The following TMEM74 variants were observed in gnomAD, a reference collection of about 807,000 sequenced individuals.
The protein encoded by TMEM74 is transmembrane protein 74.
In TMEM74, 13 loss-of-function variants were observed where a neutral mutation model predicts 18.1. The observed-to-expected ratio is 0.72, with a 90% CI of 0.47 to 1.14. TMEM74 has a LOEUF of 1.14. Ranked by LOEUF, TMEM74 falls within the 50% of genes most tolerant of loss-of-function variation. The pLI, the probability that TMEM74 is intolerant of heterozygous loss-of-function variation, is 0.00. For missense variants in TMEM74, 372 were observed against 375.9 expected (o/e 0.99, Z 0.09); for synonymous variants, 159 against 146.6 (o/e 1.08, Z -0.61).
chr8:108,608,298 CAAAA>C (rs374774953), intron 3 of TMEM74, among the ~76,000 whole-genome samples: 1 of 72,592 alleles, frequency 1.4e-5, no homozygotes. Context: ...AAGACTCTGT[CAAAA>C]AAAAAAAAAA....
rs1405607772 is a variant in TMEM74, at chr8:108,749,683, T to C, written n.119+37793A>G. On this transcript the variant is annotated intron_variant and non_coding_transcript_variant, in intron 1 of 3. Coordinates refer to the TMEM74 transcript ENST00000518838. The stretch of plus-strand genomic sequence containing the variant: ...ATTCCCTGGCCAGAACTTCCAATAC[T>C]GTGTTGAATAGGAGTGGTGAGAGAG... 2.0e-5 allele frequency among the ~76,000 whole-genome samples: 3 copies of C among 152,188 alleles called. No individual in the cohort carries two copies. The East Asian group carries it at 5.8e-4, about 30-fold the overall frequency.
chr8:108,678,992 G>A (rs1226059493), intron 1 of TMEM74, among the ~76,000 whole-genome samples: 10 of 146,966 alleles, frequency 6.8e-5, no homozygotes, highest in Non-Finnish European at 1.5e-4. Flanking sequence ...GTGAGAACAT[G>A]TGGTGTTTGG....
At chr8:108,614,035 GT>G (rs11393201) in intron 2 of TMEM74, among the ~76,000 whole-genome samples, 9,319 of 137,020 alleles carry the variant, frequency 0.068, 361 homozygotes, top group African/African-American at 0.12. Context: ...TTTTCATAAG[GT>G]TTTTTTTTTT....
chr8:108,783,552 T>G lies in TMEM74; in HGVS notation c.*629A>C, dbSNP rs1814335014. On this transcript the variant is annotated 3_prime_UTR_variant, in exon 2 of 2. Transcript: ENST00000297459. ...CTTACAATGATTTACATAATTTTTTTTTATTAGAAAGTTTATCCTAATGAC... is the reference window on the plus strand; with the variant it reads ...CTTACAATGATTTACATAATTTTTTGTTATTAGAAAGTTTATCCTAATGAC... The G allele has an allele frequency of 6.6e-6, 1 of 152,230 alleles. No homozygotes were observed. The highest frequency in any genetic ancestry group is 6.5e-5 in the Admixed American group (1 of 15,280). 9.4% of individuals were successfully genotyped at this position (152,230 alleles called of 1,614,324 possible).
chr8:108,680,663 C>T (rs572067799), intron 1 of TMEM74, among the ~76,000 whole-genome samples: 1 of 152,242 alleles, frequency 6.6e-6, no homozygotes, highest in South Asian at 2.1e-4. Context: ...AAGTTCTGGC[C>T]AGGGCAATTA....
chr8:108,775,765 A>C (rs373742392), downstream of TMEM74, among the ~76,000 whole-genome samples: 42 of 152,282 alleles, frequency 2.8e-4, 1 homozygote, highest in South Asian at 8.7e-3. Context: ...TTCTGTTCGC[A>C]ATCAAGAAAT....
At position 108,784,982 on chromosome 8, in the gene TMEM74, A is replaced by C. The variant is rs771597681; in HGVS notation, c.117T>G (p.Ala39=). The C allele has an allele frequency of 6.2e-7, 1 of 1,614,066 alleles. No individual in the cohort carries two copies. The highest frequency in any genetic ancestry group is 8.5e-7 in the Non-Finnish European group (1 of 1,180,022). ...ATGCACACTGTTTCTGACAGCAGAG[A>C]GCAGCTCTTGTGGCTGCTGTATCTG... ...DQADTAATRA[A]LCCQKQCAST... The change falls in exon 2 of 2, where the codon GCT becomes GCG. Residue 39 remains alanine (A), a synonymous_variant. Transcript: ENST00000297459.
At chr8:108,742,928 T>C (rs538950705) in intron 1 of TMEM74, among the ~76,000 whole-genome samples, 1 of 152,184 alleles carries the variant, frequency 6.6e-6, no homozygotes, top group African/African-American at 2.4e-5. Context: ...AACATTTCAA[T>C]CAGGAAAGCC....
chr8:108,669,951 T>A (rs1348556667), intron 1 of TMEM74, among the ~76,000 whole-genome samples: 1 of 142,716 alleles, frequency 7.0e-6, no homozygotes, highest in Non-Finnish European at 1.5e-5. Flanking sequence ...GGCAAGAGAA[T>A]CACTTGAACT....
At chr8:108,718,565 T>C (rs1813552457) in intron 1 of TMEM74, among the ~76,000 whole-genome samples, 3 of 152,096 alleles carry the variant, frequency 2.0e-5, no homozygotes, top group African/African-American at 7.2e-5. Flanking sequence ...TAACACCTGC[T>C]AGAAACAGAA....
At chr8:108,680,057 A>G (rs1371189782) in intron 1 of TMEM74, among the ~76,000 whole-genome samples, 1 of 151,818 alleles carries the variant, frequency 6.6e-6, no homozygotes, top group Non-Finnish European at 1.5e-5. Context: ...TAGCTTACTA[A>G]CCAAAAAAAG....
intron 2 of TMEM74, among the ~76,000 whole-genome samples, chr8:108,620,938 A>C (rs1812433374): frequency 6.6e-6 from 1 of 152,146 alleles, no homozygotes; most frequent in African/African-American, 2.4e-5. Flanking sequence ...AATCCAGAGG[A>C]TCTAAAGTCT....
chr8:108,785,194 A>G, intron 1 of TMEM74, 57 bp from the exon 2 acceptor site: 1 of 1,360,512 alleles, frequency 7.4e-7, no homozygotes, highest in Non-Finnish European at 9.8e-7. Context: ...TTGTACTTCC[A>G]GGAGTGTTGC....
chr8:108,643,137 G>A (rs1431987524), intron 2 of TMEM74, among the ~76,000 whole-genome samples: 5 of 152,142 alleles, frequency 3.3e-5, no homozygotes, highest in African/African-American at 7.2e-5. Context: ...TACAGTCCAC[G>A]CTAGAGAAAT....
At chr8:108,656,262 G>A (rs1048501012) in intron 1 of TMEM74, among the ~76,000 whole-genome samples, 3 of 152,136 alleles carry the variant, frequency 2.0e-5, no homozygotes, top group African/African-American at 7.2e-5. Flanking sequence ...TAGTGGTAAA[G>A]GTTGTAAACT....
chr8:108,689,735 A>G (rs1461705878), intron 1 of TMEM74, among the ~76,000 whole-genome samples: 1 of 152,134 alleles, frequency 6.6e-6, no homozygotes, highest in East Asian at 1.9e-4. Flanking sequence ...CAGGCTGATG[A>G]TGGCTTTGGG....
intron 1 of TMEM74, among the ~76,000 whole-genome samples, chr8:108,752,327 G>A (rs968388122): frequency 2.0e-5 from 3 of 151,976 alleles, no homozygotes; most frequent in Non-Finnish European, 4.4e-5. Context: ...TACTTCATAC[G>A]GCTGTTGAGA....
chr8:108,672,401 A>T (rs891996568), intron 1 of TMEM74, among the ~76,000 whole-genome samples: 2 of 152,184 alleles, frequency 1.3e-5, no homozygotes, highest in South Asian at 4.1e-4. Flanking sequence ...TTTTGATTTC[A>T]TGTAGATGAA....
chr8:108,702,172 A>G (rs1586266567), intron 1 of TMEM74, among the ~76,000 whole-genome samples: 1 of 151,592 alleles, frequency 6.6e-6, no homozygotes, highest in African/African-American at 2.4e-5. Flanking sequence ...GTGAAACCCT[A>G]TCTCTACTAA....
Sources: gnomAD v4.1 joint callset for allele counts (sites outside exome capture counted in the v4.1 genomes callset) on GRCh38, gnomAD v4.1.1 for gene constraint, MANE v1.5 for transcripts, NCBI Gene and HGNC (gene_info 2026-07-23, HGNC 2026-07-21) for gene names.